C2orf76: variants seen among roughly 807,000 people sequenced by gnomAD.
C2orf76 encodes UPF0538 protein C2orf76.
In C2orf76, 23 loss-of-function variants were observed where a neutral mutation model predicts 16.9. The ratio of observed to expected loss-of-function variants is 1.36; its 90% CI spans 0.98 to 1.93. The LOEUF is 1.93. Ranked by LOEUF, C2orf76 falls within the 30% of genes most tolerant of loss-of-function variation. C2orf76 has a pLI of 0.00. For synonymous variants in C2orf76, 48 were observed against 52.3 expected (o/e 0.92, Z 0.35); for missense variants, 152 against 152.6 (o/e 1.00, Z 0.02).
rs386391023 is a variant in C2orf76, at chr2:119,302,322, A to AAGAC, written c.*146_*149dup. ...ACAAAGAAAAAGAAAGAGAGAAGGA[A>AAGAC]AGACCTGAAGAGAAAGAAATAACCA... On this transcript the variant is annotated 3_prime_UTR_variant, in exon 6 of 6. Transcript: ENST00000334816. 1.4e-5 allele frequency: 6 copies of AAGAC among 419,886 alleles called. No individual in the cohort carries two copies. The highest frequency in any genetic ancestry group is 8.2e-5 in the African/African-American group (4 of 48,502). The allele number at this position is 419,886 out of a possible 1,614,324, so 26.0% of individuals were successfully genotyped here.
At chr2:119,318,733 T>G (rs1398364238) in intron 3 of C2orf76, among the ~76,000 whole-genome samples, 1 of 152,046 alleles carries the variant, frequency 6.6e-6, no homozygotes, top group African/African-American at 2.4e-5. Context: ...TTTCACCATG[T>G]TGGCTAGGTC....
At chr2:119,343,467 C>T (rs1406658656) in intron 1 of C2orf76, among the ~76,000 whole-genome samples, 1 of 114,430 alleles carries the variant, frequency 8.7e-6, no homozygotes, top group Non-Finnish European at 1.8e-5. Context: ...TATGCACACA[C>T]CTATACCTAC....
At chr2:119,298,521 T>C (rs1678572027), downstream of C2orf76, among the ~76,000 whole-genome samples, 1 of 152,040 alleles carries the variant, frequency 6.6e-6, no homozygotes, top group Non-Finnish European at 1.5e-5. Flanking sequence ...CCCTTTCTTC[T>C]AGCCTACGTT....
intron 2 of C2orf76, among the ~76,000 whole-genome samples, chr2:119,326,854 T>C (rs574414061): frequency 3.6e-4 from 55 of 152,370 alleles, no homozygotes; most frequent in Middle Eastern, 6.8e-3. Flanking sequence ...CACTGTATAT[T>C]GCTTGTAACT....
intron 4 of C2orf76, among the ~76,000 whole-genome samples, chr2:119,313,026 C>T (rs915998362): frequency 2.1e-5 from 2 of 93,628 alleles, no homozygotes; most frequent in African/African-American, 7.9e-5. Context: ...AGACTCCATT[C>T]AAAAAAAAAA....
At chr2:119,358,577 C>CAAAAAAA (rs58374459) in intron 1 of C2orf76, among the ~76,000 whole-genome samples, 1 of 88,350 alleles carries the variant, frequency 1.1e-5, no homozygotes, top group Admixed American at 1.3e-4. Flanking sequence ...GACTCTGTCT[C>CAAAAAAA]AAAAAAAAAA....
chr2:119,298,311 CTG>C (rs1678570036), downstream of C2orf76, among the ~76,000 whole-genome samples: 1 of 152,144 alleles, frequency 6.6e-6, no homozygotes, highest in Middle Eastern at 3.2e-3. Flanking sequence ...GGACCCTTAA[CTG>C]TTTTTTTTAA....
upstream of C2orf76, chr2:119,367,083 C>T: frequency 6.2e-7 from 1 of 1,613,678 alleles, no homozygotes. Flanking sequence ...CACAGCCAGG[C>T]TGCGAAGGTG....
At chr2:119,335,605 C>T (rs1222652450) in intron 2 of C2orf76, among the ~76,000 whole-genome samples, 1 of 152,178 alleles carries the variant, frequency 6.6e-6, no homozygotes, top group Non-Finnish European at 1.5e-5. Context: ...GGAAGGGAAG[C>T]ATAACTCCCG....
At chr2:119,329,184 T>C (rs1279490389) in intron 2 of C2orf76, among the ~76,000 whole-genome samples, 1 of 152,212 alleles carries the variant, frequency 6.6e-6, no homozygotes, top group Non-Finnish European at 1.5e-5. Context: ...TGCAGTTCTA[T>C]GAGTTTTTAC....
At chr2:119,311,589 C>A in intron 5 of C2orf76, 33 bp downstream of exon 5, 1 of 1,602,996 alleles carries the variant, frequency 6.2e-7, no homozygotes, top group Non-Finnish European at 8.5e-7. Context: ...CGGCAGAGGT[C>A]CCCCTCCAGC....
chr2:119,316,384 A>G (rs1038930262), intron 4 of C2orf76, among the ~76,000 whole-genome samples: 2 of 152,236 alleles, frequency 1.3e-5, no homozygotes, highest in Non-Finnish European at 2.9e-5. Context: ...ACTAGAAGGA[A>G]CCAAGCCTAC....
At chr2:119,345,137 G>A (rs1320379132) in intron 1 of C2orf76, among the ~76,000 whole-genome samples, 1 of 152,044 alleles carries the variant, frequency 6.6e-6, no homozygotes, top group Non-Finnish European at 1.5e-5. Context: ...CAATCATCAA[G>A]GAAAAGACTG....
intron 1 of C2orf76, among the ~76,000 whole-genome samples, chr2:119,348,063 A>AAG (rs1680262429): frequency 6.6e-6 from 1 of 151,946 alleles, no homozygotes; most frequent in African/African-American, 2.4e-5. Flanking sequence ...AAAAAAAAAA[A>AAG]AAAAAAATAC....
chr2:119,295,375 G>A, the C2orf76 span, among the ~76,000 whole-genome samples: 1 of 152,132 alleles, frequency 6.6e-6, no homozygotes. Context: ...GAGGGAGGAG[G>A]AAGGGGCACT....
chr2:119,365,606 T>G (rs60023832), intron 1 of C2orf76, among the ~76,000 whole-genome samples: 6,233 of 152,270 alleles, frequency 0.041, 438 homozygotes, highest in African/African-American at 0.14. Context: ...CCAGCCCTCT[T>G]GCCACAAATT....
chr2:119,312,666 G>C (rs971900510), intron 4 of C2orf76, among the ~76,000 whole-genome samples: 1 of 152,076 alleles, frequency 6.6e-6, no homozygotes, highest in Non-Finnish European at 1.5e-5. Context: ...TTGGGGTGGG[G>C]GTAAATGAGA....
chr2:119,338,037 T>C (rs140413036), intron 2 of C2orf76, among the ~76,000 whole-genome samples: 18 of 152,332 alleles, frequency 1.2e-4, no homozygotes, highest in African/African-American at 4.3e-4. Flanking sequence ...CACACAAAGA[T>C]TATAAAATAA....
intron 2 of C2orf76, among the ~76,000 whole-genome samples, chr2:119,322,935 AC>A (rs756649500): frequency 9.0e-4 from 137 of 152,322 alleles, no homozygotes; most frequent in Non-Finnish European, 1.6e-4. Flanking sequence ...ATTCCTTTCC[AC>A]ATTTTGATCT....
Sources: gnomAD v4.1 joint callset for allele counts (sites outside exome capture counted in the v4.1 genomes callset) on GRCh38, gnomAD v4.1.1 for gene constraint, MANE v1.5 for transcripts, NCBI Gene and HGNC (gene_info 2026-07-23, HGNC 2026-07-21) for gene names.